WWOX: variants seen among roughly 807,000 people sequenced by gnomAD.
The protein encoded by WWOX is WW domain-containing oxidoreductase.
Under a neutral mutation model 46.2 loss-of-function variants are expected in WWOX, and 69 were observed. That is an observed-to-expected ratio of 1.49 (90% CI 1.23 to 1.82). WWOX has a LOEUF of 1.82. Among genes scored for constraint, WWOX ranks in the 40% most tolerant of loss-of-function variants. WWOX has a pLI of 0.00. For synonymous variants in WWOX, 359 were observed against 202.6 expected (o/e 1.77, Z -6.56); for missense variants, 919 against 542.6 (o/e 1.69, Z -6.89).
chr16:78,691,349 C>G, intron 8 of WWOX: 1 of 694,776 alleles, frequency 1.4e-6, no homozygotes, highest in South Asian at 1.5e-5. Context: ...ATAGCTTTAT[C>G]TTATGACAAA....
At chr16:78,242,567 A>T (rs1236546375) in intron 5 of WWOX, among the ~76,000 whole-genome samples, 1 of 152,152 alleles carries the variant, frequency 6.6e-6, no homozygotes, top group African/African-American at 2.4e-5. Flanking sequence ...AGTGAGGGAG[A>T]CGTGGAACCA....
intron 8 of WWOX, among the ~76,000 whole-genome samples, chr16:78,765,810 A>G (rs1226580852): frequency 2.0e-5 from 3 of 152,198 alleles, no homozygotes; most frequent in Non-Finnish European, 2.9e-5. Context: ...AACTCATCGC[A>G]CTATTTCTGT....
intron 8 of WWOX, among the ~76,000 whole-genome samples, chr16:78,918,744 C>A (rs768746529): frequency 1.3e-5 from 2 of 152,180 alleles, no homozygotes; most frequent in Non-Finnish European, 2.9e-5. Context: ...ATACCCATTT[C>A]AGAAATTCCA....
chr16:78,727,553 G>C (rs921021870), intron 8 of WWOX, among the ~76,000 whole-genome samples: 14 of 152,190 alleles, frequency 9.2e-5, no homozygotes, highest in African/African-American at 3.1e-4. Context: ...CACAAGGTCT[G>C]GGTCCTGAGT....
intron 8 of WWOX, among the ~76,000 whole-genome samples, chr16:78,821,589 T>C (rs1228135496): frequency 6.6e-6 from 1 of 152,196 alleles, no homozygotes; most frequent in African/African-American, 2.4e-5. Flanking sequence ...TGACCTGTGG[T>C]ATTTTTATAC....
At chr16:78,994,851 G>A (rs1421365693) in intron 8 of WWOX, among the ~76,000 whole-genome samples, 1 of 151,902 alleles carries the variant, frequency 6.6e-6, no homozygotes, top group Non-Finnish European at 1.5e-5. Context: ...CTTTTCAGGA[G>A]CTGTGAAGCC....
At chr16:78,623,994 C>G (rs2046251114) in intron 8 of WWOX, among the ~76,000 whole-genome samples, 1 of 152,072 alleles carries the variant, frequency 6.6e-6, no homozygotes, top group Non-Finnish European at 1.5e-5. Flanking sequence ...ACTTCAAAGT[C>G]CAGGTTGCAC....
chr16:78,674,603 C>G (rs1056780823), intron 8 of WWOX, among the ~76,000 whole-genome samples: 1 of 152,124 alleles, frequency 6.6e-6, no homozygotes, highest in Non-Finnish European at 1.5e-5. Flanking sequence ...ATAGTTTACT[C>G]TTATTATTTT....
At chr16:78,223,863 T>C (rs2036968592) in intron 5 of WWOX, among the ~76,000 whole-genome samples, 2 of 152,162 alleles carry the variant, frequency 1.3e-5, no homozygotes, top group Admixed American at 1.3e-4. Context: ...ATTCATAGAA[T>C]CCATATGTCT....
intron 8 of WWOX, among the ~76,000 whole-genome samples, chr16:78,486,933 G>T (rs1050072276): frequency 6.6e-6 from 1 of 152,168 alleles, no homozygotes; most frequent in African/African-American, 2.4e-5. Context: ...TATTCCTAAT[G>T]CAGGCTCATT....
Position 79,073,431 on chromosome 16 carries a change from C to T in WWOX, c.1057-138177C>T, listed in dbSNP as rs375779599. ...CTGACCTCAGGTGATCCACCCAACTCGGCCTCCCAAAGTGCTGGGGTTTCA... is the reference window on the plus strand; with the variant it reads ...CTGACCTCAGGTGATCCACCCAACTTGGCCTCCCAAAGTGCTGGGGTTTCA... On this transcript the variant is annotated intron_variant, in intron 8 of 8. Transcript: ENST00000566780. Among the ~76,000 whole-genome samples the T allele has an allele frequency of 1.6e-4, 25 of 152,148 alleles. No individual in the cohort carries two copies. The South Asian group carries it at 3.7e-3, about 23-fold the overall frequency.
intron 8 of WWOX, among the ~76,000 whole-genome samples, chr16:78,835,924 T>G (rs992325759): frequency 2.6e-5 from 4 of 152,216 alleles, no homozygotes; most frequent in Non-Finnish European, 5.9e-5. Context: ...CTCAGATATA[T>G]TTGAGACTAA....
intron 6 of WWOX, among the ~76,000 whole-genome samples, chr16:78,397,156 T>G (rs922065770): frequency 5.3e-5 from 8 of 152,140 alleles, no homozygotes; most frequent in Non-Finnish European, 1.0e-4. Flanking sequence ...AGGAAAGAGT[T>G]TAAGTGGAAC....
At chr16:78,100,018 C>T in intron 1 of WWOX, 133 bp downstream of exon 1, 1 of 1,472,992 alleles carries the variant, frequency 6.8e-7, no homozygotes, top group Non-Finnish European at 9.0e-7. Context: ...TAAGGAGCTT[C>T]AGGGAAAAGG....
chr16:78,888,815 T>G (rs1489330918), intron 8 of WWOX, among the ~76,000 whole-genome samples: 1 of 152,172 alleles, frequency 6.6e-6, no homozygotes, highest in Non-Finnish European at 1.5e-5. Context: ...ATTGATTTTT[T>G]TTTTCTTTTT....
At chr16:78,781,691 C>T (rs181468802) in intron 8 of WWOX, among the ~76,000 whole-genome samples, 403 of 152,208 alleles carry the variant, frequency 2.6e-3, no homozygotes, top group Admixed American at 6.0e-3. Context: ...AAGAGAATCG[C>T]CTGAACTTGG....
At chr16:78,513,865 GT>G (rs1288787224) in intron 8 of WWOX, among the ~76,000 whole-genome samples, 1 of 148,150 alleles carries the variant, frequency 6.7e-6, no homozygotes. Flanking sequence ...GAAAAACAGT[GT>G]TTTCTAAATT....
chr16:78,775,346 C>T (rs910306042), intron 8 of WWOX, among the ~76,000 whole-genome samples: 1 of 152,144 alleles, frequency 6.6e-6, no homozygotes, highest in Non-Finnish European at 1.5e-5. Context: ...CCCCTCCCCA[C>T]CCCCACGAAC....
At chr16:78,823,946 T>C (rs2051578010) in intron 8 of WWOX, among the ~76,000 whole-genome samples, 1 of 152,082 alleles carries the variant, frequency 6.6e-6, no homozygotes, top group African/African-American at 2.4e-5. Flanking sequence ...GGGCTAATTT[T>C]TGTTTTTTAT....
Sources: gnomAD v4.1 joint callset for allele counts (sites outside exome capture counted in the v4.1 genomes callset) on GRCh38, gnomAD v4.1.1 for gene constraint, MANE v1.5 for transcripts, NCBI Gene and HGNC (gene_info 2026-07-23, HGNC 2026-07-21) for gene names.